The following EFR3B variants were observed in gnomAD, a reference collection of about 807,000 sequenced individuals.
EFR3B encodes EFR3 homolog B, also known as protein EFR3 homolog B.
Under a neutral mutation model 104.7 loss-of-function variants are expected in EFR3B, and 64 were observed. The ratio of observed to expected loss-of-function variants is 0.61; its 90% CI spans 0.50 to 0.75. EFR3B has a LOEUF of 0.75. Ranked by LOEUF, EFR3B falls within the 30% of genes least tolerant of loss-of-function variation. EFR3B has a pLI of 0.00. For synonymous variants in EFR3B, 385 were observed against 417.9 expected, an observed-to-expected ratio of 0.92 and a Z score of 0.96; for missense variants, 750 against 1,078.5, an observed-to-expected ratio of 0.70 and a Z score of 4.27.
chr2:25,069,553 A>G (rs984153128), intron 1 of EFR3B, among the ~76,000 whole-genome samples: 3 of 152,232 alleles, frequency 2.0e-5, no homozygotes, highest in Admixed American at 2.0e-4. Flanking sequence ...TTCCAGCTCC[A>G]TGACTGCTCC....
Position 25,136,676 on chromosome 2 carries a change from C to G in EFR3B, c.1560+78C>G, listed in dbSNP as rs3731632. The G allele has an allele frequency of 0.02, 25,613 of 1,277,460 alleles. 2,166 individuals carry two copies. The East Asian group carries it at 0.29, about 14-fold the overall frequency. The allele number at this position is 1,277,460 out of a possible 1,614,324, so 79.1% of individuals were successfully genotyped here. On this transcript the variant is annotated intron_variant, in intron 14 of 22. Coordinates refer to ENST00000403714, the MANE Select transcript of EFR3B (RefSeq NM_014971.2). The surrounding 1 kb of genome is among the most constrained non-coding windows in gnomAD (Gnocchi z 4.0). The stretch of plus-strand genomic sequence containing the variant: ...CCTGCAATCCCAGCACTTTGGGAGG[C>G]TGAGGCGGGCGGATAGATCACTTGA...
chr2:25,066,635 C>G (rs973368177), intron 1 of EFR3B, among the ~76,000 whole-genome samples: 1 of 152,264 alleles, frequency 6.6e-6, no homozygotes, highest in African/African-American at 2.4e-5. Context: ...CACGCTGGCT[C>G]TCTGACCTCA....
intron 16 of EFR3B, 55 bp downstream of exon 16, chr2:25,139,245 G>A (rs1359969725): frequency 6.5e-7 from 1 of 1,528,624 alleles, no homozygotes; most frequent in East Asian, 2.5e-5. Flanking sequence ...GGTTTCCTGG[G>A]AACAGCTTTT....
chr2:25,112,836 T>C (rs1385647306), intron 4 of EFR3B, among the ~76,000 whole-genome samples: 1 of 152,214 alleles, frequency 6.6e-6, no homozygotes, highest in East Asian at 1.9e-4. Flanking sequence ...GCCCAGTATT[T>C]TTAACTATAG....
intron 3 of EFR3B, among the ~76,000 whole-genome samples, chr2:25,102,838 C>T (rs1411531463): frequency 6.6e-6 from 1 of 152,082 alleles, no homozygotes; most frequent in Non-Finnish European, 1.5e-5. Context: ...GGGAACATTC[C>T]TCATAAGGAG....
chr2:25,066,140 C>T (rs1397476883), intron 1 of EFR3B, among the ~76,000 whole-genome samples: 1 of 152,122 alleles, frequency 6.6e-6, no homozygotes, highest in African/African-American at 2.4e-5. Context: ...CACACTAGCC[C>T]AGTGTGACAT....
chr2:25,068,292 C>T (rs561857440), intron 1 of EFR3B, among the ~76,000 whole-genome samples: 1 of 152,208 alleles, frequency 6.6e-6, no homozygotes, highest in Non-Finnish European at 1.5e-5. Flanking sequence ...GTTTCCACTC[C>T]CCACACTGAG....
Position 25,136,533 on chromosome 2 carries a change from GA to G in EFR3B, c.1496del (p.Asp499AlafsTer5), listed in dbSNP as rs1558616945. 6.4e-7 allele frequency: 1 copy of G among 1,551,494 alleles called. No individual in the cohort carries two copies. Among genetic ancestry groups the G allele is most frequent in the African/African-American group, 1.4e-5 (1 of 73,154 alleles). ...HKFSTISTLS[D>X]ISVLKLKVDK... Reference sequence around the variant, plus strand: ...TGCATCCCTTCCCAGTACCCTCAGTGACATCTCTGTCCTGAAGCTGAAAGTG... The same window carrying G: ...TGCATCCCTTCCCAGTACCCTCAGTGCATCTCTGTCCTGAAGCTGAAAGTG... On this transcript the variant is annotated frameshift_variant, in exon 14 of 23. Coordinates refer to ENST00000403714, the MANE Select transcript of EFR3B (RefSeq NM_014971.2). LOFTEE classifies it high-confidence loss of function. This position sits in a 1 kb window ranked among gnomAD's most constrained non-coding sequence, Gnocchi z 4.0.
chr2:25,124,102 C>T (rs1055155995), intron 5 of EFR3B, among the ~76,000 whole-genome samples: 1 of 152,112 alleles, frequency 6.6e-6, no homozygotes, highest in African/African-American at 2.4e-5. Context: ...TCCCTGAGAT[C>T]TCTCCTGTTG....
At chr2:25,127,279 G>C (rs796402897) in intron 5 of EFR3B, among the ~76,000 whole-genome samples, 16 of 149,420 alleles carry the variant, frequency 1.1e-4, no homozygotes, top group African/African-American at 3.7e-4. Flanking sequence ...TCTTATGATA[G>C]TCTATCAGGC....
chr2:25,046,506 C>CTTTTTTTTTTTTTTTTTTT lies in EFR3B; in HGVS notation c.7+4203_7+4204insTTTTTTTTTTTTTTTTTTT, dbSNP rs531667109. Among the ~76,000 whole-genome samples, 92 of 119,092 alleles carry CTTTTTTTTTTTTTTTTTTT rather than the reference C, an allele frequency of 7.7e-4. 3 individuals are homozygous for CTTTTTTTTTTTTTTTTTTT. Among genetic ancestry groups the CTTTTTTTTTTTTTTTTTTT allele is most frequent in the East Asian group, 4.9e-3 (16 of 3,252 alleles). 78.1% of individuals were successfully genotyped at this position (119,092 alleles called of 152,430 possible). A position where few individuals can be genotyped will look rare whatever the true frequency, so the allele number is the denominator to read the frequency against. On this transcript the variant is annotated intron_variant, in intron 1 of 22. Transcript: ENST00000403714. ...GCAGGCTCCCCCTGAAGTACAAAGT[C>CTTTTTTTTTTTTTTTTTTT]TTTTTTTTTTTTTTTTGAGACGGAG...
chr2:25,081,094 T>C (rs1668790315), intron 1 of EFR3B: 7 of 700,288 alleles, frequency 1.0e-5, no homozygotes, highest in Admixed American at 2.0e-5. Flanking sequence ...TCCATCCCTA[T>C]TGCAAAGTAG....
intron 5 of EFR3B, 141 bp downstream of exon 5, chr2:25,121,935 C>T: frequency 1.8e-6 from 2 of 1,125,442 alleles, no homozygotes; most frequent in Non-Finnish European, 2.5e-6. Flanking sequence ...GCAGGTGGGC[C>T]AGCACCCAGC....
At position 25,130,514 on chromosome 2, in the gene EFR3B, A is replaced by C; in HGVS notation, c.771-38A>C. 1.3e-6 allele frequency: 2 copies of C among 1,491,378 alleles called. No individual in the cohort carries two copies. Among genetic ancestry groups the C allele is most frequent in the Non-Finnish European group, 1.8e-6 (2 of 1,092,162 alleles). The allele number at this position is 1,491,378 out of a possible 1,614,324, so 92.4% of individuals were successfully genotyped here. A position where few individuals can be genotyped will look rare whatever the true frequency, so the allele number is the denominator to read the frequency against. On this transcript the variant is annotated intron_variant, in intron 7 of 22. Coordinates refer to ENST00000403714, the MANE Select transcript of EFR3B (RefSeq NM_014971.2). This position sits in a 1 kb window ranked among gnomAD's most constrained non-coding sequence, Gnocchi z 4.6. ...ATCTCTTCTCCCTAACACTGCCGGG[A>C]GTTTCATAGTTGTTCCCCCACGTTT...
intron 10 of EFR3B, 115 bp from the exon 11 acceptor site, chr2:25,132,788 G>T (rs1298950121): frequency 3.6e-6 from 3 of 830,230 alleles, no homozygotes; most frequent in Non-Finnish European, 5.8e-6. Flanking sequence ...CCTTTCTCTG[G>T]TCCTGGATTG....
At position 25,158,274 on chromosome 2, in the gene EFR3B, C is replaced by T. The variant is rs1209876197; in HGVS notation, c.*3934C>T. The T allele has an allele frequency of 2.6e-5, 4 of 152,450 alleles. No homozygotes were observed. Among genetic ancestry groups the T allele is most frequent in the African/African-American group, 9.7e-5 (4 of 41,450 alleles). The allele number at this position is 152,450 out of a possible 1,614,324, so 9.4% of individuals were successfully genotyped here. ...AAATGGCAGCTGGCCGGTTGGGGTCCTGTGGGAAAGGGCTAACCTGGGCTG... is the reference window on the plus strand; with the variant it reads ...AAATGGCAGCTGGCCGGTTGGGGTCTTGTGGGAAAGGGCTAACCTGGGCTG... On this transcript the variant is annotated 3_prime_UTR_variant, in exon 23 of 23. Coordinates refer to ENST00000403714, the MANE Select transcript of EFR3B (RefSeq NM_014971.2).
chr2:25,115,074 G>A (rs980036985), intron 4 of EFR3B, among the ~76,000 whole-genome samples: 2 of 152,156 alleles, frequency 1.3e-5, no homozygotes, highest in Admixed American at 1.3e-4. Flanking sequence ...CCAGCTACTC[G>A]GGAGGCAGAG....
chr2:25,118,132 G>A (rs13418905), intron 4 of EFR3B, among the ~76,000 whole-genome samples: 40,091 of 151,976 alleles, frequency 0.26, 7,161 homozygotes, highest in East Asian at 0.79. Flanking sequence ...GGCGCGTACC[G>A]CCATGCCTGG....
At position 25,128,203 on chromosome 2, in the gene EFR3B, A is replaced by G; in HGVS notation, c.506A>G (p.Lys169Arg). Reference protein sequence around the residue: ...IKTKIRMSGIKGLQGVVRKTV... With the variant: ...IKTKIRMSGIRGLQGVVRKTV... ...TACAGAATTCGAATGTCAGGCATCA[A>G]AGGCCTGCAAGGGGTGGTGAGGAAG... Residue 169 changes from lysine to arginine, a missense_variant, in exon 6 of 23, where the codon AAA becomes AGA. Transcript: ENST00000403714. 4.5e-6 allele frequency: 7 copies of G among 1,551,754 alleles called. No individual in the cohort carries two copies. Among genetic ancestry groups the G allele is most frequent in the East Asian group, 2.4e-5 (1 of 40,910 alleles).
Sources: allele counts gnomAD v4.1 joint callset (sites outside exome capture counted in the v4.1 genomes callset), GRCh38; gene constraint gnomAD v4.1.1; non-coding constraint Gnocchi (gnomAD v3.1); transcripts MANE v1.5; gene names NCBI Gene and HGNC (gene_info 2026-07-23, HGNC 2026-07-21).